The following CSMD2 variants were observed in gnomAD, a reference collection of about 807,000 sequenced individuals.
CSMD2 encodes the protein CUB and sushi domain-containing protein 2.
A neutral mutation model predicts 398.5 loss-of-function variants in CSMD2; 130 were observed. The observed-to-expected ratio is 0.33, with a 90% CI of 0.28 to 0.38. CSMD2 has a LOEUF of 0.38. Ranked by LOEUF, CSMD2 falls within the 10% of genes least tolerant of loss-of-function variation. The pLI, the probability that CSMD2 is intolerant of heterozygous loss-of-function variation, is 1.00. For missense variants in CSMD2, 3,829 were observed against 4,764.9 expected (o/e 0.80, Z 5.78); for synonymous variants, 1,828 against 1,908.5 (o/e 0.96, Z 1.10).
intron 3 of CSMD2, among the ~76,000 whole-genome samples, chr1:34,032,092 T>A (rs1650517892): frequency 6.6e-6 from 1 of 152,140 alleles, no homozygotes; most frequent in African/African-American, 2.4e-5. Context: ...GTACAAATTA[T>A]TTGCATAGCA....
intron 5 of CSMD2, among the ~76,000 whole-genome samples, chr1:33,858,653 G>A (rs544297415): frequency 2.6e-5 from 4 of 152,312 alleles, no homozygotes; most frequent in Admixed American, 2.6e-4. Context: ...GCCTTGGACT[G>A]ACTGCTTATG....
chr1:33,842,842 G>A (rs1469517116), intron 6 of CSMD2, among the ~76,000 whole-genome samples: 2 of 152,134 alleles, frequency 1.3e-5, no homozygotes, highest in South Asian at 4.2e-4. Context: ...GTGGAGGGCC[G>A]GATTTGGTCT....
intron 3 of CSMD2, among the ~76,000 whole-genome samples, chr1:33,950,580 G>A (rs1644978284): frequency 6.6e-6 from 1 of 152,200 alleles, no homozygotes; most frequent in Non-Finnish European, 1.5e-5. Context: ...GCCTGTTGAG[G>A]ATGGGCATTG....
intron 9 of CSMD2, among the ~76,000 whole-genome samples, chr1:33,818,579 A>G (rs1234116861): frequency 6.6e-6 from 1 of 152,224 alleles, no homozygotes; most frequent in African/African-American, 2.4e-5. Context: ...TATGACAAGA[A>G]TTCTTTTTTG....
chr1:34,122,919 T>C (rs761475469), intron 1 of CSMD2, among the ~76,000 whole-genome samples: 1 of 152,200 alleles, frequency 6.6e-6, no homozygotes, highest in Non-Finnish European at 1.5e-5. Flanking sequence ...TCCTGGGCAC[T>C]TGCTAGGTGA....
intron 26 of CSMD2, among the ~76,000 whole-genome samples, chr1:33,661,312 T>C (rs1230455215): frequency 1.3e-5 from 2 of 152,194 alleles, no homozygotes; most frequent in Non-Finnish European, 2.9e-5. Context: ...CTCTTTAGCA[T>C]TCTACCCTCC....
At position 33,792,471 on chromosome 1, in the gene CSMD2, G is replaced by T; in HGVS notation, c.1502C>A (p.Thr501Lys). ...FDLERGYDTL[T>K]VGDGGQDGDQ... ...CCCATCCTGACCACCATCACCGACC[G>T]TCAGGGTGTCATAGCCCCTCTCCAA... The change falls in exon 11 of 71, where the codon ACG becomes AAG. Residue 501 changes from threonine to lysine, a missense_variant. Coordinates refer to ENST00000373381, the MANE Select transcript of CSMD2 (RefSeq NM_001281956.2). The T allele has an allele frequency of 1.9e-6, 3 of 1,613,984 alleles. No individual in the cohort carries two copies. Among genetic ancestry groups the T allele is most frequent in the Non-Finnish European group, 2.5e-6 (3 of 1,179,964 alleles).
chr1:34,060,091 G>A (rs1654297257), intron 2 of CSMD2, among the ~76,000 whole-genome samples: 1 of 152,212 alleles, frequency 6.6e-6, no homozygotes, highest in African/African-American at 2.4e-5. Flanking sequence ...GCCAGGAGCT[G>A]AGGATGAGGG....
rs182457593 is a variant in CSMD2 at position 33,755,372 on chromosome 1, T to C, written c.1847-11766A>G. Among the ~76,000 whole-genome samples, 96 of 152,368 alleles carry C rather than the reference T, an allele frequency of 6.3e-4. 1 individual carries two copies. In the East Asian group the frequency reaches 0.016, roughly 26 times the overall value. ...TTAACTATGTTAGTCCCAAAGACAC[T>C]GTGTGAGTTTCTCAAGGTCACCTGC... On this transcript the variant is annotated intron_variant, in intron 13 of 70. Transcript: ENST00000373381.
intron 10 of CSMD2, among the ~76,000 whole-genome samples, chr1:33,798,663 T>C (rs1292385428): frequency 6.6e-6 from 1 of 152,144 alleles, no homozygotes; most frequent in Non-Finnish European, 1.5e-5. Flanking sequence ...TGGGAAGCTA[T>C]AATTCAGTGT....
intron 2 of CSMD2, among the ~76,000 whole-genome samples, chr1:34,041,057 T>TG (rs1433553495): frequency 6.6e-6 from 1 of 152,144 alleles, no homozygotes; most frequent in Non-Finnish European, 1.5e-5. Context: ...CCCAGGAGTT[T>TG]GAGGCTGCAG....
At position 33,670,168 on chromosome 1, in the gene CSMD2, C is replaced by T. The variant is rs72892813; in HGVS notation, c.4053-7076G>A. On this transcript the variant is annotated intron_variant, in intron 25 of 70. Transcript: ENST00000373381. ...AGGCTTCTCCTTGTCCTCCCCATCC[C>T]CTCAGTCTAGTGAGATGCTCCCTCT... is the stretch of plus-strand genomic sequence containing the variant. 8.9e-3 allele frequency among the ~76,000 whole-genome samples: 1,349 copies of T among 152,314 alleles called. 19 individuals are homozygous for T. Among genetic ancestry groups the T allele is most frequent in the African/African-American group, 0.031 (1,287 of 41,560 alleles).
At chr1:34,116,532 G>A (rs976949367) in intron 1 of CSMD2, among the ~76,000 whole-genome samples, 1 of 151,926 alleles carries the variant, frequency 6.6e-6, no homozygotes, top group Non-Finnish European at 1.5e-5. Context: ...AAAATAGACA[G>A]TAACATGATA....
rs919182307 is a variant in CSMD2 at position 33,547,784 on chromosome 1, A to G, written c.8918-1565T>C. On this transcript the variant is annotated intron_variant, in intron 56 of 70. Transcript: ENST00000373381. ...GCAGAACTGGGTCTCCCTGGAAACA[A>G]TCTTGATGGTGAGCAGCTCTAACCC... 2.0e-5 allele frequency among the ~76,000 whole-genome samples: 3 copies of G among 152,232 alleles called. 1 individual carries two copies. Among genetic ancestry groups the G allele is most frequent in the Non-Finnish European group, 4.4e-5 (3 of 68,028 alleles).
chr1:33,850,041 T>C lies in CSMD2; in HGVS notation c.921-3045A>G, dbSNP rs540713310. 3.5e-3 allele frequency among the ~76,000 whole-genome samples: 538 copies of C among 152,216 alleles called. 5 individuals are homozygous for C. Among genetic ancestry groups the C allele is most frequent in the African/African-American group, 0.012 (519 of 41,546 alleles). Reference sequence around the variant, plus strand: ...CAGATATCTCCTCACTGTTCAAAACTGGCCAGGCCTGCTCCTGCCTCAGGG... The same window carrying C: ...CAGATATCTCCTCACTGTTCAAAACCGGCCAGGCCTGCTCCTGCCTCAGGG... On this transcript the variant is annotated intron_variant, in intron 5 of 70. Transcript: ENST00000373381.
intron 13 of CSMD2, among the ~76,000 whole-genome samples, chr1:33,748,387 G>A (rs1300439452): frequency 6.6e-6 from 1 of 152,198 alleles, no homozygotes; most frequent in Non-Finnish European, 1.5e-5. Flanking sequence ...GTAGTGACCA[G>A]ACTGTGCTCA....
At chr1:34,016,182 G>A (rs546511757) in intron 3 of CSMD2, among the ~76,000 whole-genome samples, 22 of 152,204 alleles carry the variant, frequency 1.4e-4, no homozygotes, top group African/African-American at 4.1e-4. Context: ...TACATGTTCT[G>A]AATGTGCAGG....
At chr1:33,889,049 C>T (rs1460799655) in intron 5 of CSMD2, among the ~76,000 whole-genome samples, 1 of 152,146 alleles carries the variant, frequency 6.6e-6, no homozygotes, top group Non-Finnish European at 1.5e-5. Context: ...GGATTACAGG[C>T]GTGAGCCACT....
chr1:33,939,669 C>T (rs1274444286), intron 3 of CSMD2, among the ~76,000 whole-genome samples: 1 of 152,228 alleles, frequency 6.6e-6, no homozygotes, highest in Non-Finnish European at 1.5e-5. Flanking sequence ...CAAAAGCTCA[C>T]TGCTCTTTAC....
Sources: allele counts gnomAD v4.1 joint callset (sites outside exome capture counted in the v4.1 genomes callset), GRCh38; gene constraint gnomAD v4.1.1; transcripts MANE v1.5; gene names NCBI Gene and HGNC (gene_info 2026-07-23, HGNC 2026-07-21).